Variants in CCDC146 observed in about 807,000 individuals in gnomAD.
CCDC146 encodes the protein coiled-coil domain containing 146.
A neutral mutation model predicts 119.3 loss-of-function variants in CCDC146; 92 were observed. The observed-to-expected ratio is 0.77, with a 90% CI of 0.65 to 0.92. CCDC146 has a LOEUF of 0.92. Ranked by LOEUF, CCDC146 falls within the 40% of genes least tolerant of loss-of-function variation. The probability of loss-of-function intolerance (pLI) is 0.00; values close to 1 mark genes in which losing one functional copy is unlikely to be tolerated. For synonymous variants in CCDC146, 372 were observed against 371.8 expected (o/e 1.00, Z -0.01); for missense variants, 1,000 against 1,103.0 (o/e 0.91, Z 1.32).
chr7:77,187,962 G>A lies in CCDC146; in HGVS notation c.156+20138G>A, dbSNP rs191879593. 1.2e-3 allele frequency among the ~76,000 whole-genome samples: 181 copies of A among 152,292 alleles called. No individual in the cohort carries two copies. The Middle Eastern group carries it at 0.034, about 29-fold the overall frequency. ...TGAGTGTTGGCCAATCCCAGCGGCC[G>A]TACTTCAACCACTCACAGATGCTGA... On this transcript the variant is annotated intron_variant, in intron 2 of 18. Coordinates refer to ENST00000285871, the MANE Select transcript of CCDC146 (RefSeq NM_020879.3).
intron 2 of CCDC146, among the ~76,000 whole-genome samples, chr7:77,233,934 A>G (rs1469621154): frequency 6.6e-6 from 1 of 151,360 alleles, no homozygotes; most frequent in Non-Finnish European, 1.5e-5. Flanking sequence ...CTATCTCTTC[A>G]AACTTTGGCC....
chr7:77,255,866 T>C (rs1793168404), intron 5 of CCDC146, among the ~76,000 whole-genome samples: 1 of 152,318 alleles, frequency 6.6e-6, no homozygotes, highest in Admixed American at 6.5e-5. Flanking sequence ...TGCAAAGTGT[T>C]GGGTATCCAA....
intron 1 of CCDC146, among the ~76,000 whole-genome samples, chr7:77,162,142 T>G (rs1163560074): frequency 6.6e-6 from 1 of 152,180 alleles, no homozygotes; most frequent in Admixed American, 6.5e-5. Flanking sequence ...GTGCAGAAGT[T>G]TTTTAGTTGG....
At chr7:77,151,629 T>G (rs1210623988) in intron 1 of CCDC146, among the ~76,000 whole-genome samples, 1 of 151,646 alleles carries the variant, frequency 6.6e-6, no homozygotes, top group East Asian at 1.9e-4. Context: ...CTGATTTAAA[T>G]TAAAAAAAAA....
In CCDC146 at chr7:77,154,786, C is replaced by A. The variant is rs536246606; in HGVS notation, c.-11-12872C>A. 8.1e-4 allele frequency among the ~76,000 whole-genome samples: 123 copies of A among 152,202 alleles called. 1 individual carries two copies. Among genetic ancestry groups the A allele is most frequent in the African/African-American group, 2.9e-3 (119 of 41,508 alleles). ...CATGTGCGTGCATGTGTCTTTATAG[C>A]AGCATGATTTATAATCCTTTCAGTA... On this transcript the variant is annotated intron_variant, in intron 1 of 18. Transcript: ENST00000285871.
chr7:77,217,756 T>G (rs1379880066), intron 2 of CCDC146, among the ~76,000 whole-genome samples: 1 of 152,148 alleles, frequency 6.6e-6, no homozygotes, highest in Non-Finnish European at 1.5e-5. Flanking sequence ...AGCCTATAGC[T>G]CCTAGGCTAC....
In CCDC146 at chr7:77,196,414, G is replaced by T. The variant is rs971983844; in HGVS notation, c.156+28590G>T. On this transcript the variant is annotated intron_variant, in intron 2 of 18. Coordinates refer to ENST00000285871, the MANE Select transcript of CCDC146 (RefSeq NM_020879.3). This position sits in a 1 kb window ranked among gnomAD's most constrained non-coding sequence, Gnocchi z 4.2. ...CATTACGGACACCTCTGTATTTTTG[G>T]TGATAATATTTGCCATTTAAGTTTG... 1.9e-6 allele frequency: 3 copies of T among 1,613,978 alleles called. No individual in the cohort carries two copies. The highest frequency in any genetic ancestry group is 1.3e-5 in the African/African-American group (1 of 74,902).
chr7:77,196,962 A>C lies in CCDC146; in HGVS notation c.156+29138A>C, dbSNP rs185392374. The C allele has an allele frequency of 6.2e-7, 1 of 1,607,854 alleles. No individual in the cohort carries two copies. The highest frequency in any genetic ancestry group is 1.7e-5 in the Admixed American group (1 of 59,622). On this transcript the variant is annotated intron_variant, in intron 2 of 18. Coordinates refer to ENST00000285871, the MANE Select transcript of CCDC146 (RefSeq NM_020879.3). This position sits in a 1 kb window ranked among gnomAD's most constrained non-coding sequence, Gnocchi z 4.2. Reference sequence around the variant, plus strand: ...TTGCCTATTGCGTAGTAGTCAGAGCAATCTTTATATATTAGATGTTGAACT... The same window carrying C: ...TTGCCTATTGCGTAGTAGTCAGAGCCATCTTTATATATTAGATGTTGAACT...
chr7:77,148,649 A>G (rs927177896), intron 1 of CCDC146, among the ~76,000 whole-genome samples: 1 of 152,114 alleles, frequency 6.6e-6, no homozygotes, highest in African/African-American at 2.4e-5. Flanking sequence ...TACAAAATCA[A>G]TGTGCAAAAA....
chr7:77,292,487 G>A (rs117574221), intron 17 of CCDC146, among the ~76,000 whole-genome samples: 8,789 of 150,420 alleles, frequency 0.058, 363 homozygotes, highest in South Asian at 0.19. Context: ...TATGGTGTTG[G>A]GCACTTGTAG....
intron 1 of CCDC146, among the ~76,000 whole-genome samples, chr7:77,147,775 C>T (rs1370953315): frequency 3.3e-5 from 5 of 152,202 alleles, no homozygotes; most frequent in East Asian, 3.8e-4. Flanking sequence ...CTGGAAGCTT[C>T]GTCTCAGAGG....
intron 2 of CCDC146, among the ~76,000 whole-genome samples, chr7:77,218,416 G>A (rs1269523323): frequency 2.0e-5 from 3 of 151,904 alleles, no homozygotes; most frequent in Non-Finnish European, 4.4e-5. Flanking sequence ...TCAAATAGTT[G>A]TCTTGGTATG....
chr7:77,218,772 A>G (rs1792346498), intron 2 of CCDC146, among the ~76,000 whole-genome samples: 2 of 151,836 alleles, frequency 1.3e-5, no homozygotes, highest in South Asian at 2.1e-4. Flanking sequence ...GGGTCTCACT[A>G]TGTTGCCTAG....
intron 2 of CCDC146, among the ~76,000 whole-genome samples, chr7:77,231,645 A>G (rs1792629886): frequency 6.6e-6 from 1 of 152,074 alleles, no homozygotes; most frequent in Admixed American, 6.5e-5. Flanking sequence ...GTAGCTCCTT[A>G]AAAATTTCTT....
chr7:77,220,854 T>G (rs1417739546), intron 2 of CCDC146, among the ~76,000 whole-genome samples: 1 of 152,192 alleles, frequency 6.6e-6, no homozygotes, highest in Non-Finnish European at 1.5e-5. Context: ...AGTTGCAGAA[T>G]GTATTAGTCC....
At chr7:77,147,092 G>T (rs1248738674) in intron 1 of CCDC146, among the ~76,000 whole-genome samples, 1 of 152,044 alleles carries the variant, frequency 6.6e-6, no homozygotes, top group Non-Finnish European at 1.5e-5. Flanking sequence ...CGTATTTCTC[G>T]GGTACTTTGT....
chr7:77,185,613 C>G (rs1182029599), intron 2 of CCDC146, among the ~76,000 whole-genome samples: 2 of 152,140 alleles, frequency 1.3e-5, no homozygotes, highest in Non-Finnish European at 2.9e-5. Context: ...GAAAACCTTC[C>G]CAAGAAGGAT....
intron 1 of CCDC146, among the ~76,000 whole-genome samples, chr7:77,126,351 T>C (rs28841650): frequency 0.038 from 5,719 of 152,116 alleles, 390 homozygotes; most frequent in African/African-American, 0.13. Flanking sequence ...CAGAAACCTC[T>C]GTGGCCACAG....
chr7:77,226,565 A>T (rs1792519214), intron 2 of CCDC146, among the ~76,000 whole-genome samples: 1 of 152,222 alleles, frequency 6.6e-6, no homozygotes, highest in Admixed American at 6.5e-5. Flanking sequence ...AACTCTTTTT[A>T]AACTTTATCT....
Sources: allele counts gnomAD v4.1 joint callset (sites outside exome capture counted in the v4.1 genomes callset), GRCh38; gene constraint gnomAD v4.1.1; non-coding constraint Gnocchi (gnomAD v3.1); transcripts MANE v1.5; gene names NCBI Gene and HGNC (gene_info 2026-07-23, HGNC 2026-07-21).